DCTN4: variants seen among roughly 807,000 people sequenced by gnomAD.
DCTN4 encodes the protein dynactin 4 (p62).
Under a neutral mutation model 62.7 loss-of-function variants are expected in DCTN4, and 23 were observed. That is an observed-to-expected ratio of 0.37 (90% confidence interval 0.26 to 0.52). DCTN4 has a LOEUF of 0.52. Ranked by LOEUF, DCTN4 falls within the 20% of genes least tolerant of loss-of-function variation. The pLI, the probability that DCTN4 is intolerant of heterozygous loss-of-function variation, is 0.92. For synonymous variants in DCTN4, 199 were observed against 202.1 expected, an observed-to-expected ratio of 0.98 and a Z score of 0.13; for missense variants, 514 against 580.4, an observed-to-expected ratio of 0.89 and a Z score of 1.18.
At chr5:150,753,769 G>T in intron 2 of DCTN4, 112 bp from the exon 3 acceptor site, 2 of 1,087,420 alleles carry the variant, frequency 1.8e-6, no homozygotes, top group South Asian at 1.7e-5. Flanking sequence ...CATTCTGCAG[G>T]CCTCTTACCA....
chr5:150,718,172 G>T, intron 11 of DCTN4, 104 bp downstream of exon 11: 1 of 679,982 alleles, frequency 1.5e-6, no homozygotes, highest in South Asian at 2.1e-5. Context: ...AGAACTTGCT[G>T]ACTAGATGTG....
intron 2 of DCTN4, among the ~76,000 whole-genome samples, chr5:150,756,033 ATG>A (rs1246854169): frequency 2.0e-5 from 3 of 146,822 alleles, no homozygotes; most frequent in African/African-American, 5.1e-5. Flanking sequence ...AGTTAATTTC[ATG>A]TGTCTTTTTT....
Position 150,719,839 on chromosome 5 carries a change from C to T in DCTN4, c.909-69G>A, listed in dbSNP as rs879145566. ...TTAAAATTATTATTATTTTTTAAAGCTAGTGCAGTACATAAAGGATTTCAT... is the reference window on the plus strand; with the variant it reads ...TTAAAATTATTATTATTTTTTAAAGTTAGTGCAGTACATAAAGGATTTCAT... On this transcript the variant is annotated intron_variant, in intron 9 of 12. Coordinates refer to ENST00000447998, the MANE Select transcript of DCTN4 (RefSeq NM_016221.4). The T allele has an allele frequency of 3.7e-5, 36 of 984,298 alleles. No homozygotes were observed. The South Asian group carries it at 4.1e-4, about 11-fold the overall frequency. The allele number at this position is 984,298 out of a possible 1,614,324, so 61.0% of individuals were successfully genotyped here. A position where few individuals can be genotyped will look rare whatever the true frequency, so the allele number is the denominator to read the frequency against.
At position 150,708,651 on chromosome 5, in the gene DCTN4, ACCAACTCTCTTAG is replaced by A. The variant is rs1759457108; in HGVS notation, c.*2485_*2497del. 6.5e-6 allele frequency: 1 copy of A among 152,814 alleles called. No homozygotes were observed. The highest frequency in any genetic ancestry group is 2.4e-5 in the African/African-American group (1 of 41,460). The allele number at this position is 152,814 out of a possible 1,614,324, so 9.5% of individuals were successfully genotyped here. A position where few individuals can be genotyped will look rare whatever the true frequency, so the allele number is the denominator to read the frequency against. ...TAAGGAATGGAAGGGAGCATGCCCCACCAACTCTCTTAGCCAACTCTCTTAACTTCACGCTTGT... is the reference window on the plus strand; with the variant it reads ...TAAGGAATGGAAGGGAGCATGCCCCACCAACTCTCTTAACTTCACGCTTGT... On this transcript the variant is annotated 3_prime_UTR_variant, in exon 13 of 13. Transcript: ENST00000447998.
chr5:150,725,031 G>A (rs569331197), intron 8 of DCTN4, among the ~76,000 whole-genome samples: 3 of 151,482 alleles, frequency 2.0e-5, no homozygotes, highest in Non-Finnish European at 4.4e-5. Flanking sequence ...AGTGGCGGGC[G>A]CCTGTAGTCC....
At chr5:150,711,563 T>G (rs748284893) in intron 12 of DCTN4, among the ~76,000 whole-genome samples, 4 of 152,156 alleles carry the variant, frequency 2.6e-5, no homozygotes, top group Non-Finnish European at 5.9e-5. Context: ...TGGAGTGCAA[T>G]GGCTCCACCT....
At chr5:150,741,566 G>A (rs780269699) in intron 4 of DCTN4, among the ~76,000 whole-genome samples, 12 of 152,120 alleles carry the variant, frequency 7.9e-5, no homozygotes, top group Non-Finnish European at 1.5e-4. Flanking sequence ...ATGCAGACTC[G>A]AAAACCTAGG....
intron 2 of DCTN4, among the ~76,000 whole-genome samples, chr5:150,755,863 G>C (rs986800114): frequency 6.6e-6 from 1 of 152,022 alleles, no homozygotes; most frequent in Non-Finnish European, 1.5e-5. Context: ...TTAACAATAG[G>C]GGAGACTGGA....
At chr5:150,719,668 C>A in intron 10 of DCTN4, 48 bp downstream of exon 10, 1 of 1,356,760 alleles carries the variant, frequency 7.4e-7, no homozygotes, top group Non-Finnish European at 1.1e-6. Context: ...CATGTACACA[C>A]ATCATTGATC....
chr5:150,712,957 C>T (rs1759623000), intron 12 of DCTN4, among the ~76,000 whole-genome samples: 1 of 152,110 alleles, frequency 6.6e-6, no homozygotes, highest in African/African-American at 2.4e-5. Context: ...TTTTTAATTA[C>T]TCTATCATGT....
Position 150,708,913 on chromosome 5 carries a change from T to C in DCTN4, c.*2236A>G, listed in dbSNP as rs1759466155. ...TTAGCTCATTATGCTGATAAGCACT[T>C]CAAACAAAAGAAAAGGTCAGTAGGT... is the stretch of plus-strand genomic sequence containing the variant. On this transcript the variant is annotated 3_prime_UTR_variant, in exon 13 of 13. Transcript: ENST00000447998. 6.5e-6 allele frequency: 1 copy of C among 152,792 alleles called. No individual in the cohort carries two copies. Among genetic ancestry groups the C allele is most frequent in the Non-Finnish European group, 1.5e-5 (1 of 68,032 alleles). The allele number at this position is 152,792 out of a possible 1,614,324, so 9.5% of individuals were successfully genotyped here.
In DCTN4 at chr5:150,753,367, A is replaced by C. The variant is rs1486293727; in HGVS notation, c.385+112T>G. ...GGAACACAGAAGAGTTAATGACAAA[A>C]TATTCTGAATTTAGCTCCTATCGCC... On this transcript the variant is annotated intron_variant, in intron 3 of 12. Coordinates refer to ENST00000447998, the MANE Select transcript of DCTN4 (RefSeq NM_016221.4). The C allele has an allele frequency of 3.4e-5, 31 of 900,098 alleles. 1 individual carries two copies. In the East Asian group the frequency reaches 8.1e-4, roughly 23 times the overall value. The allele number at this position is 900,098 out of a possible 1,614,324, so 55.8% of individuals were successfully genotyped here.
chr5:150,753,330 T>C, intron 3 of DCTN4, 149 bp downstream of exon 3: 2 of 624,296 alleles, frequency 3.2e-6, no homozygotes, highest in Non-Finnish European at 5.4e-6. Context: ...GGTCTACAAA[T>C]GTGAACATAT....
intron 3 of DCTN4, among the ~76,000 whole-genome samples, chr5:150,749,780 G>A (rs1170312714): frequency 6.6e-6 from 1 of 151,964 alleles, no homozygotes; most frequent in Non-Finnish European, 1.5e-5. Flanking sequence ...TTCACACAAA[G>A]AGTTATAGGC....
intron 4 of DCTN4, among the ~76,000 whole-genome samples, chr5:150,735,984 C>T (rs1760567764): frequency 6.9e-6 from 1 of 144,612 alleles, no homozygotes; most frequent in African/African-American, 2.5e-5. Context: ...AAATAATAAA[C>T]AATCACAATT....
At chr5:150,726,573 G>T (rs1760153046) in intron 8 of DCTN4, among the ~76,000 whole-genome samples, 1 of 152,118 alleles carries the variant, frequency 6.6e-6, no homozygotes, top group African/African-American at 2.4e-5. Flanking sequence ...AATAGTATCA[G>T]CTGGCACTTA....
intron 7 of DCTN4, 83 bp from the exon 8 acceptor site, chr5:150,730,823 T>C (rs1760333447): frequency 8.9e-7 from 1 of 1,129,784 alleles, no homozygotes; most frequent in South Asian, 1.3e-5. Context: ...ACACGAAGCA[T>C]TACTGCCTTT....
At chr5:150,727,526 C>T (rs964800088) in intron 8 of DCTN4, among the ~76,000 whole-genome samples, 5 of 152,030 alleles carry the variant, frequency 3.3e-5, no homozygotes, top group African/African-American at 9.7e-5. Context: ...CCTGTAATCC[C>T]AGCATTTTGG....
intron 9 of DCTN4, 93 bp downstream of exon 9, chr5:150,722,813 TA>T: frequency 5.9e-6 from 5 of 843,690 alleles, no homozygotes; most frequent in Non-Finnish European, 9.1e-6. Flanking sequence ...TTTTTTTTTT[TA>T]GGCCAAGAGT....
Sources: allele counts gnomAD v4.1 joint callset (sites outside exome capture counted in the v4.1 genomes callset), GRCh38; gene constraint gnomAD v4.1.1; transcripts MANE v1.5; gene names NCBI Gene and HGNC (gene_info 2026-07-23, HGNC 2026-07-21).